The following ADAM10 variants were observed in gnomAD, a reference collection of about 807,000 sequenced individuals.
ADAM10 encodes the protein disintegrin and metalloproteinase domain-containing protein 10.
Under a neutral mutation model 90.1 loss-of-function variants are expected in ADAM10, and 17 were observed. The ratio of observed to expected loss-of-function variants is 0.19; its 90% CI spans 0.13 to 0.28. The LOEUF (loss-of-function observed/expected upper bound fraction) is 0.28, where lower values mean the gene tolerates loss of function less well. ADAM10 is among the 10% of genes least tolerant of loss of function. The probability of loss-of-function intolerance (pLI) is 1.00; values close to 1 mark genes in which losing one functional copy is unlikely to be tolerated. For missense variants in ADAM10, 610 were observed against 914.3 expected, an observed-to-expected ratio of 0.67 and a Z score of 4.29; for synonymous variants, 310 against 298.6, an observed-to-expected ratio of 1.04 and a Z score of -0.40.
rs1566960154 is a variant in ADAM10 at position 58,593,149 on chromosome 15, A to ATATTTTTTTTTT, written c.*4397_*4398insAAAAAAAAAATA. The ATATTTTTTTTTT allele has an allele frequency of 2.9e-5, 2 of 68,402 alleles. 1 individual carries two copies. The highest frequency in any genetic ancestry group is 1.1e-4 in the African/African-American group (2 of 17,924). The allele number at this position is 68,402 out of a possible 1,614,324, so 4.2% of individuals were successfully genotyped here. The stretch of plus-strand genomic sequence containing the variant: ...AAAGTAACAAAGGCCAGGTACTCAA[A>ATATTTTTTTTTT]TTTTTTTTTTTTTTTTTTTTTTTTT... On this transcript the variant is annotated 3_prime_UTR_variant, in exon 16 of 16. Coordinates refer to ENST00000260408, the MANE Select transcript of ADAM10 (RefSeq NM_001110.4).
rs1023563519 is a variant in ADAM10 at position 58,593,884 on chromosome 15, C to A, written c.*3663G>T. ...AATATAGTAATATAAAACAGAAGGG[C>A]TAAATTTCTATCCTAATCATATAAA... On this transcript the variant is annotated 3_prime_UTR_variant, in exon 16 of 16. Coordinates refer to ENST00000260408, the MANE Select transcript of ADAM10 (RefSeq NM_001110.4). 1.3e-5 allele frequency: 2 copies of A among 152,052 alleles called. No homozygotes were observed. Among genetic ancestry groups the A allele is most frequent in the Non-Finnish European group, 2.9e-5 (2 of 68,022 alleles). 9.4% of individuals were successfully genotyped at this position (152,052 alleles called of 1,614,324 possible). A position where few individuals can be genotyped will look rare whatever the true frequency, so the allele number is the denominator to read the frequency against.
At chr15:58,660,332 T>C (rs1437983997) in intron 5 of ADAM10, among the ~76,000 whole-genome samples, 1 of 152,170 alleles carries the variant, frequency 6.6e-6, no homozygotes, top group Non-Finnish European at 1.5e-5. Flanking sequence ...AAGCTGGGCC[T>C]ACAAGAGTGA....
intron 2 of ADAM10, among the ~76,000 whole-genome samples, chr15:58,709,773 A>G (rs1455077418): frequency 6.6e-6 from 1 of 152,046 alleles, no homozygotes; most frequent in Non-Finnish European, 1.5e-5. Flanking sequence ...ATACACCACT[A>G]AATAAGCCAT....
intron 1 of ADAM10, among the ~76,000 whole-genome samples, chr15:58,744,213 T>C (rs1309690008): frequency 1.5e-5 from 2 of 137,492 alleles, no homozygotes; most frequent in African/African-American, 5.6e-5. Context: ...TGCTAAACTC[T>C]ACAAAGCCAA....
intron 11 of ADAM10, among the ~76,000 whole-genome samples, chr15:58,617,158 A>T (rs911626921): frequency 1.3e-5 from 2 of 152,010 alleles, no homozygotes; most frequent in Non-Finnish European, 2.9e-5. Context: ...AACAAAATGA[A>T]CAGTTGGTTT....
intron 9 of ADAM10, among the ~76,000 whole-genome samples, chr15:58,632,251 G>A (rs768951033): frequency 1.3e-5 from 2 of 152,058 alleles, no homozygotes; most frequent in South Asian, 2.1e-4. Context: ...ATCAAAGATC[G>A]CTGTTAATTT....
chr15:58,710,262 T>A (rs1898433906), intron 2 of ADAM10, among the ~76,000 whole-genome samples: 1 of 152,040 alleles, frequency 6.6e-6, no homozygotes, highest in South Asian at 2.1e-4. Flanking sequence ...TGGAAAAAAA[T>A]GTGGAAAATA....
At chr15:58,688,675 A>C (rs969513363) in intron 2 of ADAM10, among the ~76,000 whole-genome samples, 1 of 149,370 alleles carries the variant, frequency 6.7e-6, no homozygotes, top group African/African-American at 2.5e-5. Flanking sequence ...AGGGAAGGGG[A>C]GGGACAGGGA....
At chr15:58,631,511 C>T (rs1288271321) in intron 9 of ADAM10, among the ~76,000 whole-genome samples, 2 of 151,758 alleles carry the variant, frequency 1.3e-5, no homozygotes, top group Non-Finnish European at 2.9e-5. Flanking sequence ...AGATGAGCAC[C>T]AGCAGCAGCA....
intron 5 of ADAM10, among the ~76,000 whole-genome samples, chr15:58,661,788 T>C (rs1371144999): frequency 2.6e-5 from 4 of 152,230 alleles, no homozygotes; most frequent in African/African-American, 9.6e-5. Flanking sequence ...TGCTTAGATA[T>C]GGATACTGTC....
At chr15:58,715,142 C>A (rs1280677959) in intron 2 of ADAM10, among the ~76,000 whole-genome samples, 1 of 152,050 alleles carries the variant, frequency 6.6e-6, no homozygotes, top group Admixed American at 6.6e-5. Context: ...CTAAAATGGG[C>A]CAGGTATGGT....
rs188870515 is a variant in ADAM10, at chr15:58,740,759, T to C, written c.55+8721A>G. 1.9e-3 allele frequency among the ~76,000 whole-genome samples: 291 copies of C among 152,280 alleles called. 2 individuals are homozygous for C. Among genetic ancestry groups the C allele is most frequent in the African/African-American group, 6.5e-3 (272 of 41,554 alleles). ...TACAGAACTACACAAATACTATAAA[T>C]TCGTAATAGGCATTTTAAAAGACTA... On this transcript the variant is annotated intron_variant, in intron 1 of 15. Coordinates refer to ENST00000260408, the MANE Select transcript of ADAM10 (RefSeq NM_001110.4).
intron 4 of ADAM10, among the ~76,000 whole-genome samples, chr15:58,665,703 G>C (rs1416001733): frequency 6.6e-6 from 1 of 151,804 alleles, no homozygotes; most frequent in Non-Finnish European, 1.5e-5. Context: ...GGACCATTAA[G>C]ACTATTCTCA....
At chr15:58,598,695 G>T (rs560393848) in intron 15 of ADAM10, among the ~76,000 whole-genome samples, 1 of 152,344 alleles carries the variant, frequency 6.6e-6, no homozygotes. Flanking sequence ...CACACCTGTA[G>T]AGAATAGCTA....
chr15:58,620,709 C>T (rs1262082470), intron 11 of ADAM10, among the ~76,000 whole-genome samples: 1 of 38,670 alleles, frequency 2.6e-5, no homozygotes, highest in Non-Finnish European at 3.6e-5. Context: ...TCGCCCAGGC[C>T]GGACTGCGGA....
At position 58,609,227 on chromosome 15, in the gene ADAM10, T is replaced by A. The variant is rs145779864; in HGVS notation, c.2025+1070A>T. 2.6e-5 allele frequency: 4 copies of A among 152,106 alleles called. No homozygotes were observed. In the East Asian group the frequency reaches 7.7e-4, roughly 29 times the overall value. 9.4% of individuals were successfully genotyped at this position (152,106 alleles called of 1,614,324 possible). A position where few individuals can be genotyped will look rare whatever the true frequency, so the allele number is the denominator to read the frequency against. ...CAAGCACAGGAATTTAAAAAAAGAGTAACATGTTTTAAGGAAACCTAAGTT... is the reference window on the plus strand; with the variant it reads ...CAAGCACAGGAATTTAAAAAAAGAGAAACATGTTTTAAGGAAACCTAAGTT... On this transcript the variant is annotated intron_variant, in intron 14 of 15. Transcript: ENST00000260408.
At chr15:58,602,650 A>ATG (rs879531903) in intron 14 of ADAM10, among the ~76,000 whole-genome samples, 4 of 152,222 alleles carry the variant, frequency 2.6e-5, no homozygotes, top group Non-Finnish European at 4.4e-5. Context: ...TCATATATAT[A>ATG]TTCAATTTTA....
intron 1 of ADAM10, among the ~76,000 whole-genome samples, chr15:58,740,324 G>T (rs573125038): frequency 4.6e-5 from 7 of 151,524 alleles, no homozygotes; most frequent in Admixed American, 2.0e-4. Context: ...CACAAAAATC[G>T]CTTAAACCCA....
rs183277108 is a variant in ADAM10, at chr15:58,596,867, C to T, written c.*680G>A. 2.6e-5 allele frequency: 4 copies of T among 155,452 alleles called. No individual in the cohort carries two copies. Among genetic ancestry groups the T allele is most frequent in the East Asian group, 1.9e-4 (1 of 5,256 alleles). The allele number at this position is 155,452 out of a possible 1,614,324, so 9.6% of individuals were successfully genotyped here. A position where few individuals can be genotyped will look rare whatever the true frequency, so the allele number is the denominator to read the frequency against. ...AAATGAGTATCAAAACCAACTCCATCGTAACAGAAAGGTAAATTGATTTTC... is the reference window on the plus strand; with the variant it reads ...AAATGAGTATCAAAACCAACTCCATTGTAACAGAAAGGTAAATTGATTTTC... On this transcript the variant is annotated 3_prime_UTR_variant, in exon 16 of 16. Coordinates refer to ENST00000260408, the MANE Select transcript of ADAM10 (RefSeq NM_001110.4).
Sources: gnomAD v4.1 joint callset for allele counts (sites outside exome capture counted in the v4.1 genomes callset) on GRCh38, gnomAD v4.1.1 for gene constraint, MANE v1.5 for transcripts, NCBI Gene and HGNC (gene_info 2026-07-23, HGNC 2026-07-21) for gene names.